PTPRN2: variants seen among roughly 807,000 people sequenced by gnomAD.
PTPRN2 encodes protein tyrosine phosphatase receptor type N2, also known as receptor-type tyrosine-protein phosphatase N2.
In PTPRN2, 74 loss-of-function variants were observed where a neutral mutation model predicts 118.8. That is an observed-to-expected ratio of 0.62 (90% confidence interval 0.52 to 0.76). PTPRN2 has a LOEUF of 0.76. Ranked by LOEUF, PTPRN2 falls within the 30% of genes least tolerant of loss-of-function variation. The pLI, the probability that PTPRN2 is intolerant of heterozygous loss-of-function variation, is 0.00. For missense variants in PTPRN2, 1,481 were observed against 1,394.4 expected (o/e 1.06, Z -0.99); for synonymous variants, 641 against 608.0 (o/e 1.05, Z -0.80).
At chr7:157,751,762 TTG>T (rs1178086314) in intron 12 of PTPRN2, among the ~76,000 whole-genome samples, 1 of 151,914 alleles carries the variant, frequency 6.6e-6, no homozygotes, top group African/African-American at 2.4e-5. Flanking sequence ...CCCGCACCCT[TTG>T]TTTCATGTTC....
At chr7:158,463,351 TCATCAC>T (rs1026660062) in intron 2 of PTPRN2, among the ~76,000 whole-genome samples, 23 of 152,048 alleles carry the variant, frequency 1.5e-4, no homozygotes, top group African/African-American at 4.1e-4. Context: ...ATCATTACTA[TCATCAC>T]CATCACCATC....
intron 12 of PTPRN2, among the ~76,000 whole-genome samples, chr7:157,701,434 A>AGAT (rs1798061381): frequency 6.6e-6 from 1 of 152,244 alleles, no homozygotes; most frequent in African/African-American, 2.4e-5. Context: ...TCTTTCAAAA[A>AGAT]GATGGTGGTC....
intron 11 of PTPRN2, among the ~76,000 whole-genome samples, chr7:157,948,496 T>C (rs1418310053): frequency 6.6e-6 from 1 of 151,788 alleles, no homozygotes; most frequent in Admixed American, 6.6e-5. Flanking sequence ...ACACTAAAAA[T>C]TAAATCAAAG....
chr7:157,679,148 T>G (rs773411768), intron 13 of PTPRN2, among the ~76,000 whole-genome samples: 2 of 152,042 alleles, frequency 1.3e-5, no homozygotes, highest in Non-Finnish European at 2.9e-5. Flanking sequence ...TATGCCAATT[T>G]GAAAAAAAAG....
Position 157,610,879 on chromosome 7 carries a change from A to G in PTPRN2, c.2345-6804T>C, listed in dbSNP as rs994572902. Reference sequence around the variant, plus strand: ...TGGGAAATGCTCAGCTCAAGCTATAAAGCTCATCGAACATTTAGGAAAGTC... The same window carrying G: ...TGGGAAATGCTCAGCTCAAGCTATAGAGCTCATCGAACATTTAGGAAAGTC... On this transcript the variant is annotated intron_variant, in intron 15 of 22. Coordinates refer to ENST00000389418, the MANE Select transcript of PTPRN2 (RefSeq NM_002847.5). The surrounding 1 kb of genome is among the most constrained non-coding windows in gnomAD (Gnocchi z 5.1). Among the ~76,000 whole-genome samples the G allele has an allele frequency of 1.3e-5, 2 of 152,208 alleles. No homozygotes were observed. Among genetic ancestry groups the G allele is most frequent in the Non-Finnish European group, 2.9e-5 (2 of 68,044 alleles).
intron 2 of PTPRN2, among the ~76,000 whole-genome samples, chr7:158,410,520 AC>A (rs1487514111): frequency 6.6e-6 from 1 of 152,142 alleles, no homozygotes; most frequent in African/African-American, 2.4e-5. Context: ...ATGTGGGGTG[AC>A]CAAGGGCAGA....
At chr7:158,419,513 C>A (rs578184406) in intron 2 of PTPRN2, among the ~76,000 whole-genome samples, 2 of 152,230 alleles carry the variant, frequency 1.3e-5, no homozygotes, top group Admixed American at 1.3e-4. Context: ...TCCACAGACC[C>A]TTCCACATGG....
At position 157,937,909 on chromosome 7, in the gene PTPRN2, G is replaced by A. The variant is rs75215981; in HGVS notation, c.1724-39172C>T. ...TGCAACCCCTGTGATGGGAATCTTC[G>A]TGACTATGTGACATGTTCCCCATCT... is the stretch of plus-strand genomic sequence containing the variant. On this transcript the variant is annotated intron_variant, in intron 11 of 22. Coordinates refer to ENST00000389418, the MANE Select transcript of PTPRN2 (RefSeq NM_002847.5). Among the ~76,000 whole-genome samples, 837 of 149,490 alleles carry A rather than the reference G, an allele frequency of 5.6e-3. 9 individuals carry two copies. Among genetic ancestry groups the A allele is most frequent in the African/African-American group, 0.02 (780 of 39,708 alleles).
intron 2 of PTPRN2, among the ~76,000 whole-genome samples, chr7:158,340,140 C>T (rs1806384779): frequency 1.2e-5 from 1 of 85,674 alleles, no homozygotes; most frequent in Non-Finnish European, 2.6e-5. Context: ...GGAGACGTCA[C>T]TCACACCCAC....
intron 11 of PTPRN2, among the ~76,000 whole-genome samples, chr7:157,968,090 G>A (rs180960898): frequency 1.6e-4 from 24 of 152,180 alleles, no homozygotes; most frequent in African/African-American, 3.1e-4. Context: ...TTACTACAGC[G>A]GAGGGCAGGG....
At position 157,614,694 on chromosome 7, in the gene PTPRN2, G is replaced by C. The variant is rs557451072; in HGVS notation, c.2344+6668C>G. Among the ~76,000 whole-genome samples, 13 of 152,324 alleles carry C rather than the reference G, an allele frequency of 8.5e-5. No homozygotes were observed. The East Asian group carries it at 1.3e-3, about 16-fold the overall frequency. On this transcript the variant is annotated intron_variant, in intron 15 of 22. Coordinates refer to ENST00000389418, the MANE Select transcript of PTPRN2 (RefSeq NM_002847.5). Reference sequence around the variant, plus strand: ...CGGAGTGTGGCCATGTTTGGAGACAGGGCCTCTAGAGAGGCCAGTAAGTGA... The same window carrying C: ...CGGAGTGTGGCCATGTTTGGAGACACGGCCTCTAGAGAGGCCAGTAAGTGA...
chr7:158,284,682 A>G (rs1255496505), intron 3 of PTPRN2, among the ~76,000 whole-genome samples: 1 of 152,078 alleles, frequency 6.6e-6, no homozygotes, highest in East Asian at 1.9e-4. Flanking sequence ...CCTCCCTGCC[A>G]TCCCACCTCT....
intron 12 of PTPRN2, among the ~76,000 whole-genome samples, chr7:157,726,505 G>A (rs918307000): frequency 6.6e-6 from 1 of 152,268 alleles, no homozygotes; most frequent in South Asian, 2.1e-4. Context: ...AGAGTGGCTG[G>A]ACGCACACTT....
At chr7:157,866,490 C>A (rs1810677762) in intron 12 of PTPRN2, among the ~76,000 whole-genome samples, 1 of 152,090 alleles carries the variant, frequency 6.6e-6, no homozygotes, top group Admixed American at 6.5e-5. Context: ...TGTACACACA[C>A]ACACACATAC....
chr7:157,545,479 T>C (rs1362628555), intron 22 of PTPRN2, among the ~76,000 whole-genome samples: 1 of 151,408 alleles, frequency 6.6e-6, no homozygotes. Flanking sequence ...TGGCTGCGTG[T>C]GGGTGTGCGC....
At chr7:158,149,854 A>C (rs1563517167) in intron 6 of PTPRN2, among the ~76,000 whole-genome samples, 1 of 152,124 alleles carries the variant, frequency 6.6e-6, no homozygotes, top group South Asian at 2.1e-4. Context: ...AAAACAAAAA[A>C]ATTACTGTGG....
chr7:158,274,131 C>T (rs1381389841), intron 3 of PTPRN2, among the ~76,000 whole-genome samples: 1 of 111,310 alleles, frequency 9.0e-6, no homozygotes, highest in Non-Finnish European at 1.8e-5. Context: ...CACGGGGAGC[C>T]GCAGACACAG....
intron 2 of PTPRN2, among the ~76,000 whole-genome samples, chr7:158,336,588 G>A (rs1245943606): frequency 2.2e-5 from 3 of 137,808 alleles, no homozygotes; most frequent in Non-Finnish European, 4.6e-5. Context: ...ACCTGCAGAC[G>A]TCATTCACAC....
intron 1 of PTPRN2, among the ~76,000 whole-genome samples, chr7:158,523,255 G>T (rs1384873939): frequency 6.6e-6 from 1 of 152,218 alleles, no homozygotes; most frequent in Non-Finnish European, 1.5e-5. Context: ...AGCCTCAGCA[G>T]CCAGAGTGGT....
Sources: allele counts gnomAD v4.1 joint callset (sites outside exome capture counted in the v4.1 genomes callset), GRCh38; gene constraint gnomAD v4.1.1; non-coding constraint Gnocchi (gnomAD v3.1); transcripts MANE v1.5; gene names NCBI Gene and HGNC (gene_info 2026-07-23, HGNC 2026-07-21).